Variants in ANKS1B observed in about 807,000 individuals in gnomAD.
The protein encoded by ANKS1B is ankyrin repeat and sterile alpha motif domain containing 1B, also known as ankyrin repeat and sterile alpha motif domain-containing protein 1B.
In ANKS1B, 36 loss-of-function variants were observed where a neutral mutation model predicts 148.3. The observed-to-expected ratio is 0.24, with a 90% confidence interval of 0.19 to 0.32. ANKS1B has a LOEUF of 0.32. ANKS1B is among the 10% of genes least tolerant of loss of function. The probability of loss-of-function intolerance (pLI) is 1.00; values close to 1 mark genes in which losing one functional copy is unlikely to be tolerated. For missense variants in ANKS1B, 1,157 were observed against 1,542.6 expected, an observed-to-expected ratio of 0.75 and a Z score of 4.19; for synonymous variants, 542 against 560.8, an observed-to-expected ratio of 0.97 and a Z score of 0.47.
intron 15 of ANKS1B, among the ~76,000 whole-genome samples, chr12:99,105,784 A>C (rs866370998): frequency 3.3e-5 from 5 of 151,888 alleles, no homozygotes; most frequent in Admixed American, 3.3e-4. Flanking sequence ...AAAAAAAAAA[A>C]AAAAACTAAA....
rs78537714 is a variant in ANKS1B, at chr12:99,890,629, T to C, written c.135-65240A>G. ...TGTGTGTGTGTGTGTGTGTGTATTCTCTTGTTTCAATTTCTCCAGGGGACC... is the reference window on the plus strand; with the variant it reads ...TGTGTGTGTGTGTGTGTGTGTATTCCCTTGTTTCAATTTCTCCAGGGGACC... On this transcript the variant is annotated intron_variant, in intron 1 of 26. Transcript: ENST00000683438. Among the ~76,000 whole-genome samples, 242 of 147,612 alleles carry C rather than the reference T, an allele frequency of 1.6e-3. 9 individuals carry two copies. The East Asian group carries it at 0.04, about 25-fold the overall frequency.
At chr12:98,759,415 G>A (rs1350048318) in intron 25 of ANKS1B, among the ~76,000 whole-genome samples, 1 of 152,132 alleles carries the variant, frequency 6.6e-6, no homozygotes, top group Non-Finnish European at 1.5e-5. Context: ...TACATCCAGA[G>A]GAGGCTCATG....
At chr12:99,590,291 C>CACAT (rs397706201) in intron 9 of ANKS1B, among the ~76,000 whole-genome samples, 2 of 151,020 alleles carry the variant, frequency 1.3e-5, no homozygotes, top group African/African-American at 4.9e-5. Context: ...CACACACACA[C>CACAT]GCTTATTTAC....
chr12:99,735,569 C>T (rs147963527), intron 8 of ANKS1B, among the ~76,000 whole-genome samples: 103 of 151,982 alleles, frequency 6.8e-4, no homozygotes, highest in African/African-American at 2.4e-3. Context: ...CAGGAAGATA[C>T]AGAAAACCTG....
chr12:99,872,081 G>A (rs2091586712), intron 1 of ANKS1B, among the ~76,000 whole-genome samples: 1 of 152,140 alleles, frequency 6.6e-6, no homozygotes, highest in African/African-American at 2.4e-5. Flanking sequence ...AAAAACATAT[G>A]TACTAGGATG....
intron 17 of ANKS1B, among the ~76,000 whole-genome samples, chr12:98,898,504 A>C (rs755938614): frequency 2.0e-5 from 3 of 152,178 alleles, no homozygotes; most frequent in Non-Finnish European, 4.4e-5. Context: ...ACAGCAAAGA[A>C]AATAGCTACC....
intron 14 of ANKS1B, among the ~76,000 whole-genome samples, chr12:99,218,942 G>A (rs190111168): frequency 7.9e-5 from 12 of 152,132 alleles, no homozygotes; most frequent in East Asian, 1.9e-4. Context: ...ACCTATATAC[G>A]TATTATACAT....
chr12:99,984,272 C>A lies in ANKS1B; in HGVS notation c.-35G>T. ...CCGACTCCCCCACAGAGTCCTTGCCCCCCTCGGGTCCTCCTCCCCACCCAC... is the reference window on the plus strand; with the variant it reads ...CCGACTCCCCCACAGAGTCCTTGCCACCCTCGGGTCCTCCTCCCCACCCAC... On this transcript the variant is annotated 5_prime_UTR_variant, in exon 1 of 27. Coordinates refer to ENST00000683438, the MANE Select transcript of ANKS1B (RefSeq NM_001352186.2). 1 of 1,587,042 alleles carries A rather than the reference C, an allele frequency of 6.3e-7. No homozygotes were observed. Among genetic ancestry groups the A allele is most frequent in the Non-Finnish European group, 8.6e-7 (1 of 1,165,682 alleles).
At chr12:99,816,661 T>C (rs554228922) in intron 2 of ANKS1B, among the ~76,000 whole-genome samples, 18 of 151,880 alleles carry the variant, frequency 1.2e-4, no homozygotes, top group African/African-American at 4.1e-4. Flanking sequence ...TTGTGAAATA[T>C]AAAGTTGTAT....
At chr12:99,778,944 A>G (rs2063968432) in intron 6 of ANKS1B, among the ~76,000 whole-genome samples, 1 of 152,176 alleles carries the variant, frequency 6.6e-6, no homozygotes, top group Non-Finnish European at 1.5e-5. Context: ...AATAAAACCT[A>G]TCTCACCACC....
intron 8 of ANKS1B, among the ~76,000 whole-genome samples, chr12:99,756,525 C>T (rs1034048989): frequency 1.3e-5 from 2 of 151,974 alleles, no homozygotes; most frequent in Non-Finnish European, 2.9e-5. Flanking sequence ...AGATTCAATA[C>T]TATTCCTATT....
At chr12:99,039,664 T>C (rs1483043883) in intron 17 of ANKS1B, among the ~76,000 whole-genome samples, 2 of 152,062 alleles carry the variant, frequency 1.3e-5, no homozygotes, top group East Asian at 3.8e-4. Flanking sequence ...GGCGCTCCTC[T>C]GCAGTTTGTT....
At chr12:99,230,561 A>G (rs560385022) in intron 14 of ANKS1B, among the ~76,000 whole-genome samples, 14 of 152,306 alleles carry the variant, frequency 9.2e-5, no homozygotes, top group African/African-American at 3.4e-4. Flanking sequence ...ACCAAATATC[A>G]CAATGAATAT....
intron 17 of ANKS1B, among the ~76,000 whole-genome samples, chr12:98,832,713 C>T (rs2099328955): frequency 6.6e-6 from 1 of 152,130 alleles, no homozygotes; most frequent in South Asian, 2.1e-4. Context: ...TCCCCCGCCT[C>T]CTTATTGAAG....
Position 98,829,162 on chromosome 12 carries a change from A to G in ANKS1B, c.3066+12T>C, listed in dbSNP as rs370800560. Reference sequence around the variant, plus strand: ...TGGTTGAAAAATATCACAAAGGCTTATAACACCTTACCTGAGCCATCTGCC... The same window carrying G: ...TGGTTGAAAAATATCACAAAGGCTTGTAACACCTTACCTGAGCCATCTGCC... On this transcript the variant is annotated intron_variant, in intron 19 of 26. Transcript: ENST00000683438. The surrounding 1 kb of genome is among the most constrained non-coding windows in gnomAD (Gnocchi z 5.2). The G allele has an allele frequency of 1.9e-5, 30 of 1,613,896 alleles. No individual in the cohort carries two copies. The highest frequency in any genetic ancestry group is 2.5e-5 in the Non-Finnish European group (29 of 1,179,858).
chr12:99,757,313 C>A (rs2061659737), intron 8 of ANKS1B, among the ~76,000 whole-genome samples: 3 of 151,996 alleles, frequency 2.0e-5, no homozygotes, highest in Admixed American at 2.0e-4. Context: ...CAAAAGAAGA[C>A]ATACATGCAG....
intron 15 of ANKS1B, among the ~76,000 whole-genome samples, chr12:99,086,652 T>C (rs1267016935): frequency 6.6e-6 from 1 of 152,214 alleles, no homozygotes; most frequent in Non-Finnish European, 1.5e-5. Context: ...CAATGGTTAT[T>C]TTAAACCTGT....
At chr12:99,266,128 T>C (rs2153985410) in intron 12 of ANKS1B, among the ~76,000 whole-genome samples, 1 of 152,338 alleles carries the variant, frequency 6.6e-6, no homozygotes, top group Non-Finnish European at 1.5e-5. Context: ...ATGCCTTACC[T>C]TATATGAAAT....
chr12:98,737,184 C>A (rs572986539), intron 9 of ANKS1B, among the ~76,000 whole-genome samples: 1 of 152,208 alleles, frequency 6.6e-6, no homozygotes, highest in Non-Finnish European at 1.5e-5. Flanking sequence ...TCCAGTTGTG[C>A]CCTTCTGCAT....
Sources: allele counts gnomAD v4.1 joint callset (sites outside exome capture counted in the v4.1 genomes callset), GRCh38; gene constraint gnomAD v4.1.1; non-coding constraint Gnocchi (gnomAD v3.1); transcripts MANE v1.5; gene names NCBI Gene and HGNC (gene_info 2026-07-23, HGNC 2026-07-21).